Variants in EYS observed in about 807,000 individuals in gnomAD.
EYS encodes the protein EGF-like photoreceptor maintenance factor, also known as protein eyes shut homolog.
Under a neutral mutation model 282.1 loss-of-function variants are expected in EYS, and 250 were observed. The observed-to-expected ratio is 0.89, with a 90% confidence interval of 0.80 to 0.98. EYS has a LOEUF of 0.98. Ranked by LOEUF, EYS falls within the 50% of genes least tolerant of loss-of-function variation. EYS has a pLI of 0.00. For synonymous variants in EYS, 1,355 were observed against 1,282.9 expected, an observed-to-expected ratio of 1.06 and a Z score of -1.20; for missense variants, 4,016 against 3,709.0, an observed-to-expected ratio of 1.08 and a Z score of -2.15.
intron 2 of EYS, among the ~76,000 whole-genome samples, chr6:65,599,658 A>G (rs1251524123): frequency 2.0e-5 from 3 of 152,240 alleles, no homozygotes; most frequent in South Asian, 2.1e-4. Context: ...GCATTAAAAA[A>G]TATGAAATGT....
intron 41 of EYS, among the ~76,000 whole-genome samples, chr6:63,761,426 C>T (rs993519427): frequency 6.6e-6 from 1 of 152,004 alleles, no homozygotes; most frequent in South Asian, 2.1e-4. Context: ...ATTATTCTAA[C>T]CCTCAAATGT....
At chr6:64,672,097 C>T (rs913459251) in intron 22 of EYS, among the ~76,000 whole-genome samples, 1 of 152,088 alleles carries the variant, frequency 6.6e-6, no homozygotes, top group African/African-American at 2.4e-5. Context: ...AAAGTCATTT[C>T]GTAGCTGTGT....
chr6:65,686,380 A>G (rs1769014868), intron 1 of EYS, among the ~76,000 whole-genome samples: 1 of 152,078 alleles, frequency 6.6e-6, no homozygotes, highest in Admixed American at 6.6e-5. Flanking sequence ...CATTTATTAC[A>G]ATGCCATTTT....
intron 7 of EYS, among the ~76,000 whole-genome samples, chr6:65,397,629 T>C (rs1245087969): frequency 1.5e-5 from 2 of 136,846 alleles, no homozygotes; most frequent in African/African-American, 5.3e-5. Context: ...TGTGTGTGTG[T>C]GTATCATGTT....
Position 63,720,503 on chromosome 6 carries a change from A to G in EYS, c.*93T>C, listed in dbSNP as rs1768330163. On this transcript the variant is annotated 3_prime_UTR_variant, in exon 43 of 43. Transcript: ENST00000503581. ...TTAGACTATTTCAGGTAATATAGTA[A>G]ACAGTTGATTCCCCGTAAGCAATGT... is the stretch of plus-strand genomic sequence containing the variant. The G allele has an allele frequency of 1.1e-6, 1 of 896,724 alleles. No individual in the cohort carries two copies. 55.5% of individuals were successfully genotyped at this position (896,724 alleles called of 1,614,324 possible).
intron 2 of EYS, among the ~76,000 whole-genome samples, chr6:65,578,208 A>AAT (rs71002321): frequency 0.36 from 54,018 of 148,930 alleles, 9,433 homozygotes; most frequent in South Asian, 0.44. Context: ...AGATAATGAA[A>AAT]ATATATATAT....
chr6:65,694,329 T>G (rs781156492), intron 1 of EYS, among the ~76,000 whole-genome samples: 3 of 149,800 alleles, frequency 2.0e-5, no homozygotes, highest in Non-Finnish European at 4.4e-5. Flanking sequence ...TAAACTAGTA[T>G]GTAAATATTT....
chr6:64,357,970 A>T (rs1420490680), intron 29 of EYS, among the ~76,000 whole-genome samples: 1 of 151,600 alleles, frequency 6.6e-6, no homozygotes, highest in Non-Finnish European at 1.5e-5. Context: ...ATTGCATTCA[A>T]GTATATGGAG....
intron 30 of EYS, among the ~76,000 whole-genome samples, chr6:64,305,329 G>A (rs1329524484): frequency 6.9e-6 from 1 of 145,388 alleles, no homozygotes; most frequent in Admixed American, 7.0e-5. Flanking sequence ...CAGATTTGGT[G>A]CAATCCCCAA....
chr6:65,509,330 T>G (rs1766778964), intron 2 of EYS, among the ~76,000 whole-genome samples: 1 of 152,160 alleles, frequency 6.6e-6, no homozygotes, highest in African/African-American at 2.4e-5. Flanking sequence ...TCATAAATGG[T>G]TTATATTACA....
At chr6:64,827,571 A>T (rs180766370) in intron 19 of EYS, among the ~76,000 whole-genome samples, 59 of 151,974 alleles carry the variant, frequency 3.9e-4, no homozygotes, top group Middle Eastern at 3.4e-3. Context: ...TAATAGCATG[A>T]TATTTACAAA....
At chr6:65,484,008 C>G (rs151111378) in intron 5 of EYS, among the ~76,000 whole-genome samples, 6 of 152,020 alleles carry the variant, frequency 3.9e-5, no homozygotes, top group African/African-American at 1.4e-4. Flanking sequence ...CGTGGGAATT[C>G]AAGATGAGAT....
rs553432133 is a variant in EYS, at chr6:65,497,456, A to T, written c.-332-1463T>A. On this transcript the variant is annotated intron_variant, in intron 2 of 42. Transcript: ENST00000503581. ...CAGGAGAGAGCATCTACATCTAAAG[A>T]TTTTGAGGTGAATGTGACACTGGAT... Among the ~76,000 whole-genome samples, 9 of 152,116 alleles carry T rather than the reference A, an allele frequency of 5.9e-5. No homozygotes were observed. In the East Asian group the frequency reaches 9.7e-4, roughly 16 times the overall value.
At position 64,690,579 on chromosome 6, in the gene EYS, A is replaced by C. The variant is rs536664428; in HGVS notation, c.3444-64334T>G. Among the ~76,000 whole-genome samples, 6 of 152,348 alleles carry C rather than the reference A, an allele frequency of 3.9e-5. No homozygotes were observed. In the East Asian group the frequency reaches 1.2e-3, roughly 29 times the overall value. On this transcript the variant is annotated intron_variant, in intron 22 of 42. Coordinates refer to ENST00000503581, the MANE Select transcript of EYS (RefSeq NM_001142800.2). ...GATAGCAAAGACTTGGAATCAACCC[A>C]AATGTCCATCAATGATAGACTGGAT...
At chr6:64,855,943 T>C (rs1766045023) in intron 19 of EYS, among the ~76,000 whole-genome samples, 1 of 152,206 alleles carries the variant, frequency 6.6e-6, no homozygotes, top group Non-Finnish European at 1.5e-5. Context: ...CATGGTTTGA[T>C]AGCTTAATTT....
chr6:64,357,920 T>C (rs625112), intron 29 of EYS, among the ~76,000 whole-genome samples: 104,000 of 151,412 alleles, frequency 0.69, 35,755 homozygotes, highest in South Asian at 0.71. Flanking sequence ...AGGAAGAGTA[T>C]TTTCCATTAG....
chr6:64,151,359 ATAT>A lies in EYS; in HGVS notation c.6425-69360_6425-69358del, dbSNP rs1562226816. Among the ~76,000 whole-genome samples the A allele has an allele frequency of 1.2e-4, 11 of 88,876 alleles. No individual in the cohort carries two copies. In the South Asian group the frequency reaches 1.6e-3, roughly 13 times the overall value. The allele number at this position is 88,876 out of a possible 152,430, so 58.3% of individuals were successfully genotyped here. ...TATATATATATATATATATATATAT[ATAT>A]AATTTTTTTTTTCTTTTGAGATGGA... On this transcript the variant is annotated intron_variant, in intron 31 of 42. Coordinates refer to ENST00000503581, the MANE Select transcript of EYS (RefSeq NM_001142800.2).
intron 34 of EYS, among the ~76,000 whole-genome samples, chr6:63,991,106 G>A (rs1186682773): frequency 6.6e-6 from 1 of 151,668 alleles, no homozygotes; most frequent in Non-Finnish European, 1.5e-5. Context: ...GAAAGTAAAG[G>A]GAGCAAGAGA....
intron 36 of EYS, among the ~76,000 whole-genome samples, chr6:63,861,641 T>C (rs115841643): frequency 6.6e-6 from 1 of 152,158 alleles, no homozygotes; most frequent in Non-Finnish European, 1.5e-5. Context: ...TAGAATCACA[T>C]GTTAAAACCT....
Sources: gnomAD v4.1 joint callset for allele counts (sites outside exome capture counted in the v4.1 genomes callset) on GRCh38, gnomAD v4.1.1 for gene constraint, MANE v1.5 for transcripts, NCBI Gene and HGNC (gene_info 2026-07-23, HGNC 2026-07-21) for gene names.